CES5A: variants seen among roughly 807,000 people sequenced by gnomAD.
The protein encoded by CES5A is carboxylesterase 5A.
In CES5A, 67 loss-of-function variants were observed where a neutral mutation model predicts 62.9. That is an observed-to-expected ratio of 1.07 (90% CI 0.88 to 1.31). The LOEUF (loss-of-function observed/expected upper bound fraction) is 1.31, where lower values mean the gene tolerates loss of function less well. Ranked by LOEUF, CES5A falls within the 50% of genes most tolerant of loss-of-function variation. CES5A has a pLI of 0.00. For missense variants in CES5A, 748 were observed against 708.5 expected (o/e 1.06, Z -0.63); for synonymous variants, 296 against 280.8 (o/e 1.05, Z -0.54).
At chr16:55,858,634 T>G (rs559216581) in intron 8 of CES5A, among the ~76,000 whole-genome samples, 5 of 152,362 alleles carry the variant, frequency 3.3e-5, no homozygotes, top group Admixed American at 6.5e-5. Context: ...TGAGACTGGT[T>G]CTAGACAGCC....
upstream of CES5A, among the ~76,000 whole-genome samples, chr16:55,929,595 T>G (rs1299552706): frequency 6.6e-6 from 1 of 152,144 alleles, no homozygotes; most frequent in Admixed American, 6.5e-5. Context: ...CCCTAAATAC[T>G]CAGCAATCAA....
chr16:55,868,870 C>T (rs1412969250), intron 4 of CES5A, among the ~76,000 whole-genome samples: 6 of 152,220 alleles, frequency 3.9e-5, no homozygotes, highest in Admixed American at 2.6e-4. Context: ...CATTTTCCAG[C>T]TGTGAAATGA....
intron 1 of CES5A, among the ~76,000 whole-genome samples, chr16:55,889,976 C>A (rs1469967417): frequency 1.3e-5 from 2 of 152,142 alleles, no homozygotes; most frequent in African/African-American, 4.8e-5. Context: ...CTTCTTAGAG[C>A]CTCTCACTCA....
chr16:55,888,984 T>C (rs1443763646), intron 1 of CES5A, among the ~76,000 whole-genome samples: 1 of 152,082 alleles, frequency 6.6e-6, no homozygotes, highest in East Asian at 1.9e-4. Flanking sequence ...ATGTTACATT[T>C]AAAATTATAA....
At chr16:55,914,571 G>T (rs2034126334) in intron 1 of CES5A, among the ~76,000 whole-genome samples, 1 of 152,190 alleles carries the variant, frequency 6.6e-6, no homozygotes, top group Non-Finnish European at 1.5e-5. Context: ...TCTGGCTGGG[G>T]ATGCTTGCTA....
chr16:55,902,023 C>T (rs1425715626), intron 1 of CES5A, among the ~76,000 whole-genome samples: 2 of 152,176 alleles, frequency 1.3e-5, no homozygotes, highest in Admixed American at 6.5e-5. Flanking sequence ...AATTTACCCT[C>T]AAACTAAATC....
chr16:55,944,081 T>A, intron 2 of CES5A: 1 of 702,168 alleles, frequency 1.4e-6, no homozygotes, highest in Non-Finnish European at 2.6e-6. Context: ...ACCTCCAGGA[T>A]AAATCATCTT....
chr16:55,914,988 T>C (rs2034131841), intron 1 of CES5A, among the ~76,000 whole-genome samples: 2 of 151,348 alleles, frequency 1.3e-5, no homozygotes, highest in Admixed American at 1.3e-4. Flanking sequence ...TCAAATTAGT[T>C]CTAAATAAAA....
At position 55,866,016 on chromosome 16, in the gene CES5A, TG is replaced by T; in HGVS notation, c.651del (p.Ser218AlafsTer3). 6.2e-7 allele frequency: 1 copy of T among 1,614,208 alleles called. No homozygotes were observed. Among genetic ancestry groups the T allele is most frequent in the Non-Finnish European group, 8.5e-7 (1 of 1,180,032 alleles). On this transcript the variant is annotated frameshift_variant, in exon 5 of 13. Transcript: ENST00000290567. LOFTEE classifies it high-confidence loss of function. ...QKNIEFFGGDPSSVTIFGESA... is the reference protein window; with the variant it reads ...QKNIEFFGGDXSSVTIFGESA... ...GACTCGCCAAAGATGGTCACAGAGC[TG>T]GGGTCCCCACCGAAGAACTCGATGT...
chr16:55,908,099 C>T (rs2034056557), intron 1 of CES5A, among the ~76,000 whole-genome samples: 2 of 152,166 alleles, frequency 1.3e-5, no homozygotes, highest in Non-Finnish European at 2.9e-5. Context: ...ACCATCTCCT[C>T]CTTCCCCTGC....
At chr16:55,865,874 G>T in intron 5 of CES5A, 89 bp downstream of exon 5, 1 of 1,433,398 alleles carries the variant, frequency 7.0e-7, no homozygotes, top group Non-Finnish European at 9.8e-7. Context: ...TGTTCAACAT[G>T]AAGGCAACAA....
At chr16:55,864,947 C>T (rs1487844712) in intron 5 of CES5A, among the ~76,000 whole-genome samples, 1 of 152,084 alleles carries the variant, frequency 6.6e-6, no homozygotes, top group Admixed American at 6.5e-5. Flanking sequence ...TGGCTCACGC[C>T]TGTAATCCCA....
intron 6 of CES5A, among the ~76,000 whole-genome samples, chr16:55,861,925 GAAGCTCCTTCA>G (rs2033359696): frequency 6.6e-6 from 1 of 152,114 alleles, no homozygotes. Context: ...AGCAGCTTTG[GAAGCTCCTTCA>G]TTGTCAGTAC....
chr16:55,914,320 T>C (rs1343428321), intron 1 of CES5A, among the ~76,000 whole-genome samples: 1 of 152,174 alleles, frequency 6.6e-6, no homozygotes, highest in Non-Finnish European at 1.5e-5. Flanking sequence ...AATGTCACTT[T>C]CTCCCCTCTT....
chr16:55,862,682 C>T (rs1432094230), intron 6 of CES5A, among the ~76,000 whole-genome samples: 3 of 152,178 alleles, frequency 2.0e-5, no homozygotes, highest in Non-Finnish European at 4.4e-5. Context: ...AAATTTACCA[C>T]AAAAATGATT....
intron 8 of CES5A, among the ~76,000 whole-genome samples, chr16:55,858,700 A>G (rs1567326347): frequency 6.6e-6 from 1 of 152,224 alleles, no homozygotes; most frequent in South Asian, 2.1e-4. Flanking sequence ...TATTTCCTCC[A>G]GCTTAAAATA....
At chr16:55,938,791 T>C (rs1199260403) in intron 2 of CES5A, among the ~76,000 whole-genome samples, 5 of 64,474 alleles carry the variant, frequency 7.8e-5, no homozygotes, top group African/African-American at 2.4e-4. Context: ...TATATATATA[T>C]ATATATACAC....
chr16:55,917,575 T>C (rs1315811838), intron 1 of CES5A, among the ~76,000 whole-genome samples: 1 of 152,206 alleles, frequency 6.6e-6, no homozygotes, highest in Non-Finnish European at 1.5e-5. Flanking sequence ...TACAGATCCT[T>C]GCCATGTAGG....
chr16:55,914,776 G>A (rs1270190697), intron 1 of CES5A, among the ~76,000 whole-genome samples: 2 of 152,194 alleles, frequency 1.3e-5, no homozygotes, highest in African/African-American at 4.8e-5. Flanking sequence ...TCCTGGCCTG[G>A]ATCCTGGAAC....
Sources: gnomAD v4.1 joint callset for allele counts (sites outside exome capture counted in the v4.1 genomes callset) on GRCh38, gnomAD v4.1.1 for gene constraint, MANE v1.5 for transcripts, NCBI Gene and HGNC (gene_info 2026-07-23, HGNC 2026-07-21) for gene names.